Variants in NDRG3 observed in about 807,000 individuals in gnomAD.
NDRG3 encodes the protein protein NDRG3.
A neutral mutation model predicts 57.2 loss-of-function variants in NDRG3; 23 were observed. The ratio of observed to expected loss-of-function variants is 0.40; its 90% CI spans 0.29 to 0.57. The LOEUF (loss-of-function observed/expected upper bound fraction) is 0.57, where lower values mean the gene tolerates loss of function less well. NDRG3 is among the 20% of genes least tolerant of loss of function. NDRG3 has a pLI of 0.42. For missense variants in NDRG3, 384 were observed against 457.3 expected (o/e 0.84, Z 1.46); for synonymous variants, 132 against 162.6 (o/e 0.81, Z 1.43).
chr20:36,738,852 A>C (rs1235662176), intron 1 of NDRG3, among the ~76,000 whole-genome samples: 2 of 148,914 alleles, frequency 1.3e-5, no homozygotes, highest in Non-Finnish European at 3.0e-5. Context: ...AACCAGCCAG[A>C]GTGGCTCATG....
intron 1 of NDRG3, among the ~76,000 whole-genome samples, chr20:36,731,632 C>T (rs544785893): frequency 6.6e-6 from 1 of 151,280 alleles, no homozygotes; most frequent in Non-Finnish European, 1.5e-5. Flanking sequence ...ATGGTGAAAC[C>T]CTGTCTCTAC....
chr20:36,674,209 T>C (rs1043556876), intron 8 of NDRG3, among the ~76,000 whole-genome samples: 1 of 152,152 alleles, frequency 6.6e-6, no homozygotes, highest in African/African-American at 2.4e-5. Flanking sequence ...AATCTTTTTT[T>C]TCTTTTTTGA....
rs959926219 is a variant in NDRG3, at chr20:36,652,742, G to C, written c.*778C>G. The stretch of plus-strand genomic sequence containing the variant: ...TTGTTTCCACCTTCCTGTGCTAAGA[G>C]AGTCCAGTAATTAAACCACATTCAC... On this transcript the variant is annotated 3_prime_UTR_variant, in exon 16 of 16. Transcript: ENST00000349004. 2 of 152,192 alleles carry C rather than the reference G, an allele frequency of 1.3e-5. No homozygotes were observed. Among genetic ancestry groups the C allele is most frequent in the African/African-American group, 4.8e-5 (2 of 41,438 alleles). The allele number at this position is 152,192 out of a possible 1,614,324, so 9.4% of individuals were successfully genotyped here. A position where few individuals can be genotyped will look rare whatever the true frequency, so the allele number is the denominator to read the frequency against.
At chr20:36,715,002 G>GTATATA (rs1984161199) in intron 2 of NDRG3, among the ~76,000 whole-genome samples, 6 of 39,594 alleles carry the variant, frequency 1.5e-4, no homozygotes, top group South Asian at 1.0e-3. Context: ...GTGTGTGTGT[G>GTATATA]TGTGTATATA....
intron 13 of NDRG3, among the ~76,000 whole-genome samples, chr20:36,658,722 A>G (rs138782073): frequency 0.018 from 2,775 of 152,288 alleles, 33 homozygotes; most frequent in Middle Eastern, 0.034. Context: ...CTAAGATGAA[A>G]CAATGACAGG....
At chr20:36,696,822 T>A (rs1982836061) in intron 3 of NDRG3, among the ~76,000 whole-genome samples, 1 of 152,178 alleles carries the variant, frequency 6.6e-6, no homozygotes, top group Non-Finnish European at 1.5e-5. Flanking sequence ...AACAATGGCA[T>A]CTTCAATGAT....
At chr20:36,678,310 A>G (rs1400412893) in intron 8 of NDRG3, among the ~76,000 whole-genome samples, 1 of 152,220 alleles carries the variant, frequency 6.6e-6, no homozygotes. Flanking sequence ...TGAGGGCAAA[A>G]GAGTTGAACA....
At chr20:36,684,291 C>G (rs944308597) in intron 6 of NDRG3, 122 bp downstream of exon 6, 21 of 751,958 alleles carry the variant, frequency 2.8e-5, no homozygotes, top group Non-Finnish European at 4.7e-5. Flanking sequence ...TGTTACCCCA[C>G]TAAGCTCTAG....
At chr20:36,654,776 G>T in intron 15 of NDRG3, 1 of 779,644 alleles carries the variant, frequency 1.3e-6, no homozygotes, top group Non-Finnish European at 2.4e-6. Context: ...GGAAGGCGGG[G>T]CAGGGCCAGC....
chr20:36,682,650 T>C lies in NDRG3; in HGVS notation c.384-72A>G, dbSNP rs1425320895. On this transcript the variant is annotated intron_variant, in intron 6 of 15. Transcript: ENST00000349004. Reference sequence around the variant, plus strand: ...AGGCAGCATTGCATAATTGAAAGCATACAACCTGGGTTGAAATCCTGGCTC... The same window carrying C: ...AGGCAGCATTGCATAATTGAAAGCACACAACCTGGGTTGAAATCCTGGCTC... The C allele has an allele frequency of 3.3e-5, 44 of 1,313,980 alleles. 1 individual carries two copies. In the East Asian group the frequency reaches 1.0e-3, roughly 31 times the overall value. 81.4% of individuals were successfully genotyped at this position (1,313,980 alleles called of 1,614,324 possible). A position where few individuals can be genotyped will look rare whatever the true frequency, so the allele number is the denominator to read the frequency against.
intron 3 of NDRG3, among the ~76,000 whole-genome samples, chr20:36,701,590 C>G (rs1366765472): frequency 1.3e-5 from 2 of 148,974 alleles, no homozygotes; most frequent in African/African-American, 5.0e-5. Flanking sequence ...TCTTTTTGCC[C>G]AGGCTGGAGT....
At chr20:36,663,307 A>G (rs2148035973) in intron 12 of NDRG3, among the ~76,000 whole-genome samples, 1 of 152,248 alleles carries the variant, frequency 6.6e-6, no homozygotes, top group Middle Eastern at 3.4e-3. Flanking sequence ...CCCTACAAAC[A>G]TTTCCCCACT....
chr20:36,706,173 T>C (rs1983537429), intron 3 of NDRG3, among the ~76,000 whole-genome samples: 1 of 152,214 alleles, frequency 6.6e-6, no homozygotes, highest in South Asian at 2.1e-4. Flanking sequence ...AACAGTTTCA[T>C]TTAGAAAACA....
chr20:36,715,031 T>A (rs1449653391), intron 2 of NDRG3, among the ~76,000 whole-genome samples: 1 of 118,194 alleles, frequency 8.5e-6, no homozygotes, highest in Non-Finnish European at 1.7e-5. Context: ...TATATATATA[T>A]ATATATATAT....
chr20:36,669,058 A>AT (rs755486543), intron 9 of NDRG3, among the ~76,000 whole-genome samples: 210 of 142,052 alleles, frequency 1.5e-3, no homozygotes, highest in Middle Eastern at 0.011. Flanking sequence ...TGATTTTTGA[A>AT]TTTTTTTTTT....
intron 3 of NDRG3, among the ~76,000 whole-genome samples, chr20:36,694,176 G>A (rs1328976060): frequency 6.6e-6 from 1 of 152,154 alleles, no homozygotes; most frequent in Non-Finnish European, 1.5e-5. Context: ...CATCTCAAGG[G>A]TGGCAAAGAA....
At chr20:36,664,556 A>C (rs1374441527) in intron 12 of NDRG3, among the ~76,000 whole-genome samples, 2 of 152,228 alleles carry the variant, frequency 1.3e-5, no homozygotes, top group African/African-American at 2.4e-5. Flanking sequence ...TCAAGAAAAA[A>C]ACTGATCCCA....
chr20:36,653,768 C>A lies in NDRG3; in HGVS notation c.947-67G>T. The A allele has an allele frequency of 6.9e-7, 1 of 1,449,044 alleles. No homozygotes were observed. The highest frequency in any genetic ancestry group is 1.2e-5 in the South Asian group (1 of 82,010). 89.8% of individuals were successfully genotyped at this position (1,449,044 alleles called of 1,614,324 possible). A position where few individuals can be genotyped will look rare whatever the true frequency, so the allele number is the denominator to read the frequency against. On this transcript the variant is annotated intron_variant, in intron 15 of 15. Transcript: ENST00000349004. The surrounding 1 kb of genome is among the most constrained non-coding windows in gnomAD (Gnocchi z 4.2). ...TTAAGCCCAGCTAACCTAGGAGTCTCATCAAAGTCTTTATGTTTAGCTTTT... is the reference window on the plus strand; with the variant it reads ...TTAAGCCCAGCTAACCTAGGAGTCTAATCAAAGTCTTTATGTTTAGCTTTT...
chr20:36,733,161 AAAAAAAAAAAATATAT>A (rs1376029058), intron 1 of NDRG3, among the ~76,000 whole-genome samples: 49 of 46,388 alleles, frequency 1.1e-3, no homozygotes, highest in African/African-American at 5.3e-3. Flanking sequence ...AAAAAAAAAA[AAAAAAAAAAAATATAT>A]ATATATATAT....
Sources: gnomAD v4.1 joint callset for allele counts (sites outside exome capture counted in the v4.1 genomes callset) on GRCh38, gnomAD v4.1.1 for gene constraint, Gnocchi (gnomAD v3.1) non-coding constraint, MANE v1.5 for transcripts, NCBI Gene and HGNC (gene_info 2026-07-23, HGNC 2026-07-21) for gene names.